Variants in TMPRSS5 observed in about 807,000 individuals in gnomAD.
The protein encoded by TMPRSS5 is transmembrane protease serine 5.
In TMPRSS5, 45 loss-of-function variants were observed where a neutral mutation model predicts 59.7. That is an observed-to-expected ratio of 0.75 (90% CI 0.59 to 0.97). The LOEUF (loss-of-function observed/expected upper bound fraction) is 0.97. Ranked by LOEUF, TMPRSS5 falls within the 50% of genes least tolerant of loss-of-function variation. The pLI, the probability that TMPRSS5 is intolerant of heterozygous loss-of-function variation, is 0.00. For synonymous variants in TMPRSS5, 225 were observed against 232.0 expected, an observed-to-expected ratio of 0.97 and a Z score of 0.27; for missense variants, 585 against 596.7, an observed-to-expected ratio of 0.98 and a Z score of 0.20.
At chr11:113,696,119 A>G (rs764334422) in intron 6 of TMPRSS5, among the ~76,000 whole-genome samples, 14 of 152,032 alleles carry the variant, frequency 9.2e-5, no homozygotes, top group Non-Finnish European at 1.9e-4. Context: ...GGTATCCAAG[A>G]CAAGAACCCT....
At position 113,694,562 on chromosome 11, in the gene TMPRSS5, C is replaced by G. The variant is rs747019065; in HGVS notation, c.701G>C (p.Ser234Thr). The change falls in exon 8 of 13, where the codon AGC (serine) becomes ACC (threonine). Residue 234 changes from serine to threonine, a missense_variant. Physicochemically the swap from Ser to Thr is moderately conservative, Grantham distance 58 (BLOSUM62 1). Transcript: ENST00000299882. ...CGTGTGCCGGAAGCCCAGGGCCACG[C>G]TGGCCTGCCACGGCCAGCGCCCAGG... ...VAPGRWPWQASVALGFRHTCG... is the reference protein window; with the variant it reads ...VAPGRWPWQATVALGFRHTCG... The G allele has an allele frequency of 1.2e-5, 19 of 1,548,692 alleles. No individual in the cohort carries two copies. Among genetic ancestry groups the G allele is most frequent in the African/African-American group, 2.7e-5 (2 of 73,048 alleles).
chr11:113,706,110 G>C, intron 1 of TMPRSS5, 112 bp downstream of exon 1: 5 of 1,321,676 alleles, frequency 3.8e-6, no homozygotes, highest in Non-Finnish European at 5.3e-6. Context: ...CCCTGTACCA[G>C]AGCTGCCTCA....
intron 6 of TMPRSS5, 75 bp from the exon 7 acceptor site, chr11:113,695,518 A>C: frequency 1.3e-6 from 2 of 1,483,112 alleles, no homozygotes; most frequent in South Asian, 1.1e-5. Context: ...GACGTGAAGA[A>C]TGGGGGAGGC....
intron 3 of TMPRSS5, among the ~76,000 whole-genome samples, 180 bp from the exon 4 acceptor site, chr11:113,699,207 GTCTGTCTCTCTCTCTCTCTCTCTCTC>G (rs1953022991): frequency 2.2e-5 from 1 of 46,342 alleles, no homozygotes; most frequent in African/African-American, 1.2e-4. Flanking sequence ...TCCTTTGTCT[GTCTGTCTCTCTCTCTCTCTCTCTCTC>G]TCTCTCTCTC....
At chr11:113,704,004 A>G (rs1481224558) in intron 1 of TMPRSS5, among the ~76,000 whole-genome samples, 5 of 152,198 alleles carry the variant, frequency 3.3e-5, no homozygotes, top group Non-Finnish European at 7.3e-5. Context: ...GTGATCACAG[A>G]AGGCTTCCTA....
rs1952659499 is a variant in TMPRSS5 at position 113,688,217 on chromosome 11, A to T, written c.*43T>A. 2 of 1,562,816 alleles carry T rather than the reference A, an allele frequency of 1.3e-6. No homozygotes were observed. The highest frequency in any genetic ancestry group is 1.7e-6 in the Non-Finnish European group (2 of 1,155,796). ...GGAGCTGCTGGAGGCCCCAGGAAGC[A>T]TGAGGCAGTGGTGTGCAGTGAGACT... On this transcript the variant is annotated 3_prime_UTR_variant, in exon 13 of 13. Transcript: ENST00000299882.
chr11:113,701,140 G>C (rs1303896977), intron 1 of TMPRSS5, among the ~76,000 whole-genome samples: 1 of 152,218 alleles, frequency 6.6e-6, no homozygotes, highest in African/African-American at 2.4e-5. Context: ...CTTTATAGCA[G>C]TGTGAGAACA....
At chr11:113,699,843 G>A in intron 2 of TMPRSS5, 150 bp from the exon 3 acceptor site, 1 of 1,405,662 alleles carries the variant, frequency 7.1e-7, no homozygotes, top group Non-Finnish European at 9.7e-7. Flanking sequence ...GGAGGGAGTG[G>A]GGGCAGGGGA....
chr11:113,701,764 T>G (rs1170931966), intron 1 of TMPRSS5, among the ~76,000 whole-genome samples: 2 of 145,530 alleles, frequency 1.4e-5, no homozygotes, highest in African/African-American at 5.2e-5. Context: ...TGAAACCATG[T>G]GACATATAGT....
rs1952647561 is a variant in TMPRSS5 at position 113,687,808 on chromosome 11, C to G, written c.*452G>C. The stretch of plus-strand genomic sequence containing the variant: ...AGGAGCCTCTCAGCCATGGAGTCCT[C>G]TAGGGAGGCACTTAGCCCACCTAGA... On this transcript the variant is annotated 3_prime_UTR_variant, in exon 13 of 13. Transcript: ENST00000299882. 1 of 156,964 alleles carries G rather than the reference C, an allele frequency of 6.4e-6. No individual in the cohort carries two copies. Among genetic ancestry groups the G allele is most frequent in the Non-Finnish European group, 1.4e-5 (1 of 71,554 alleles). 9.7% of individuals were successfully genotyped at this position (156,964 alleles called of 1,614,324 possible). A position where few individuals can be genotyped will look rare whatever the true frequency, so the allele number is the denominator to read the frequency against.
At chr11:113,694,947 A>G (rs970738857) in intron 7 of TMPRSS5, among the ~76,000 whole-genome samples, 2 of 152,166 alleles carry the variant, frequency 1.3e-5, no homozygotes, top group African/African-American at 4.8e-5. Flanking sequence ...GGATGTGTGA[A>G]TGGACAGATG....
chr11:113,689,233 G>A (rs537058389), intron 12 of TMPRSS5, among the ~76,000 whole-genome samples: 114 of 152,242 alleles, frequency 7.5e-4, no homozygotes, highest in African/African-American at 2.7e-3. Flanking sequence ...GTGCATGCCT[G>A]TAATCCCAGC....
At position 113,689,799 on chromosome 11, in the gene TMPRSS5, G is replaced by C. The variant is rs974342242; in HGVS notation, c.1325C>G (p.Ala442Gly). The C allele has an allele frequency of 1.2e-6, 2 of 1,609,270 alleles. No homozygotes were observed. Among genetic ancestry groups the C allele is most frequent in the African/African-American group, 2.7e-5 (2 of 74,830 alleles). Reference sequence around the variant, plus strand: ...GTCATGGATCCAGTCCAGAAACTCAGCTACCTTGGCGTAGACACCTGGGTG... The same window carrying C: ...GTCATGGATCCAGTCCAGAAACTCACCTACCTTGGCGTAGACACCTGGGTG... ...PNHPGVYAKV[A>G]EFLDWIHDTA... The change falls in exon 12 of 13, where the codon GCT becomes GGT. Residue 442 changes from alanine (A) to glycine (G), a missense_variant. Physicochemically the swap from Ala to Gly is moderately conservative, Grantham distance 60 (BLOSUM62 0). Transcript: ENST00000299882.
chr11:113,695,037 T>G (rs1952889961), intron 7 of TMPRSS5, among the ~76,000 whole-genome samples: 1 of 152,210 alleles, frequency 6.6e-6, no homozygotes, highest in Non-Finnish European at 1.5e-5. Flanking sequence ...ATTCACCACC[T>G]GCCCTTAGTT....
chr11:113,698,387 G>A (rs1472493895), intron 4 of TMPRSS5, among the ~76,000 whole-genome samples: 1 of 152,164 alleles, frequency 6.6e-6, no homozygotes, highest in East Asian at 1.9e-4. Flanking sequence ...GAAGTAATGT[G>A]CCCAAAGTCA....
At chr11:113,695,290 C>T (rs758700799) in intron 7 of TMPRSS5, 110 bp downstream of exon 7, 9 of 1,225,734 alleles carry the variant, frequency 7.3e-6, no homozygotes, top group African/African-American at 1.5e-5. Flanking sequence ...GTGGGCAAGA[C>T]CCCTACCCCA....
At chr11:113,704,235 T>C (rs145561445) in intron 1 of TMPRSS5, among the ~76,000 whole-genome samples, 17 of 152,262 alleles carry the variant, frequency 1.1e-4, no homozygotes, top group Middle Eastern at 3.4e-3. Context: ...CAAAGCTAAG[T>C]CTGCAACCTA....
intron 3 of TMPRSS5, among the ~76,000 whole-genome samples, chr11:113,699,256 T>TCC (rs1325175404): frequency 1.4e-3 from 56 of 39,744 alleles, no homozygotes; most frequent in East Asian, 2.9e-3. Flanking sequence ...TCTCTCTCTC[T>TCC]CTCTCTCTCT....
chr11:113,692,681 C>A (rs554896726), intron 9 of TMPRSS5, among the ~76,000 whole-genome samples: 2 of 152,254 alleles, frequency 1.3e-5, no homozygotes, highest in East Asian at 1.9e-4. Flanking sequence ...AGGGTTGTTA[C>A]GAGGACTGAA....
Sources: gnomAD v4.1 joint callset for allele counts (sites outside exome capture counted in the v4.1 genomes callset) on GRCh38, gnomAD v4.1.1 for gene constraint, MANE v1.5 for transcripts, NCBI Gene and HGNC (gene_info 2026-07-23, HGNC 2026-07-21) for gene names.